The following PCDHGA12 variants were observed in gnomAD, a reference collection of about 807,000 sequenced individuals.
PCDHGA12 encodes the protein protocadherin gamma subfamily A, 12, also known as protocadherin gamma-A12.
In PCDHGA12, 43 loss-of-function variants were observed where a neutral mutation model predicts 61.1. The observed-to-expected ratio is 0.70, with a 90% CI of 0.55 to 0.91. PCDHGA12 has a LOEUF of 0.91. Ranked by LOEUF, PCDHGA12 falls within the 40% of genes least tolerant of loss-of-function variation. The probability of loss-of-function intolerance (pLI) is 0.00; values close to 1 mark genes in which losing one functional copy is unlikely to be tolerated. For synonymous variants in PCDHGA12, 520 were observed against 542.9 expected (o/e 0.96, Z 0.59); for missense variants, 1,236 against 1,227.7 (o/e 1.01, Z -0.10).
Position 141,432,502 on chromosome 5 carries a change from C to T in PCDHGA12, c.1743C>T (p.Ser581=). Residue 581 remains serine (S), a synonymous_variant, in exon 1 of 4, where the codon TCC becomes TCT. Transcript: ENST00000252085. This position sits in a 1 kb window ranked among gnomAD's most constrained non-coding sequence, Gnocchi z 6.0. The part of the protein sequence containing the change: ...GSTGVELAPR[S]AEPGYLVTKV... ...CTGGCGTGGAGCTGGCTCCCCGCTC[C>T]GCAGAGCCCGGCTACCTGGTGACCA... 6.2e-7 allele frequency: 1 copy of T among 1,614,142 alleles called. No individual in the cohort carries two copies. The highest frequency in any genetic ancestry group is 8.5e-7 in the Non-Finnish European group (1 of 1,180,042).
rs767337670 is a variant in PCDHGA12 at position 141,433,083 on chromosome 5, A to G, written c.2324A>G (p.Tyr775Cys). 8.1e-6 allele frequency: 13 copies of G among 1,614,174 alleles called. 1 individual carries two copies. Among genetic ancestry groups the G allele is most frequent in the Non-Finnish European group, 9.3e-6 (11 of 1,180,024 alleles). ...CACCTGATCTTCCCCCAGCCCAACT[A>G]TGCAGACATGCTCGTCAGCCAGGAG... ...KSHLIFPQPN[Y>C]ADMLVSQESF... The change falls in exon 1 of 4, where the codon TAT (tyrosine) becomes TGT (cysteine). Residue 775 changes from tyrosine to cysteine, a missense_variant. Coordinates refer to ENST00000252085, the MANE Select transcript of PCDHGA12 (RefSeq NM_003735.3).
intron 1 of PCDHGA12, among the ~76,000 whole-genome samples, chr5:141,484,160 T>C (rs1451052819): frequency 2.6e-5 from 4 of 152,210 alleles, no homozygotes; most frequent in African/African-American, 7.2e-5. Flanking sequence ...CACAATGCTG[T>C]TGGTAGCTGA....
At position 141,485,225 on chromosome 5, in the gene PCDHGA12, T is replaced by C; in HGVS notation, c.2425-9582T>C. The C allele has an allele frequency of 1.2e-6, 2 of 1,614,156 alleles. No homozygotes were observed. Among genetic ancestry groups the C allele is most frequent in the Non-Finnish European group, 1.7e-6 (2 of 1,180,010 alleles). On this transcript the variant is annotated intron_variant, in intron 1 of 3. Coordinates refer to ENST00000252085, the MANE Select transcript of PCDHGA12 (RefSeq NM_003735.3). The surrounding 1 kb of genome is among the most constrained non-coding windows in gnomAD (Gnocchi z 5.7). Reference sequence around the variant, plus strand: ...AGAAATCTGGCGGTGGGCTACCCTTTTGTTCCTCTTTTACCACCTGGGTTA... The same window carrying C: ...AGAAATCTGGCGGTGGGCTACCCTTCTGTTCCTCTTTTACCACCTGGGTTA...
At chr5:141,455,552 G>T (rs897699654) in intron 1 of PCDHGA12, among the ~76,000 whole-genome samples, 1 of 152,144 alleles carries the variant, frequency 6.6e-6, no homozygotes, top group African/African-American at 2.4e-5. Flanking sequence ...CGTAGCCCGA[G>T]AAAAAGCTGG....
Position 141,491,279 on chromosome 5 carries a change from T to G in PCDHGA12, c.2425-3528T>G. 1 of 1,614,110 alleles carries G rather than the reference T, an allele frequency of 6.2e-7. No individual in the cohort carries two copies. The highest frequency in any genetic ancestry group is 2.2e-5 in the East Asian group (1 of 44,878). ...GAGGAAATGCCCAAATCCAGTGACT[T>G]CCTCATACACCCTCCTGAGCGTTCA... On this transcript the variant is annotated intron_variant, in intron 1 of 3. Transcript: ENST00000252085. The surrounding 1 kb of genome is among the most constrained non-coding windows in gnomAD (Gnocchi z 6.9).
intron 1 of PCDHGA12, among the ~76,000 whole-genome samples, chr5:141,462,337 T>C (rs1053544147): frequency 6.6e-6 from 1 of 152,260 alleles, no homozygotes; most frequent in Non-Finnish European, 1.5e-5. Context: ...TTAATTGTAT[T>C]GTGATCCAAA....
intron 1 of PCDHGA12, among the ~76,000 whole-genome samples, chr5:141,434,860 A>G (rs2097723622): frequency 6.6e-6 from 1 of 151,982 alleles, no homozygotes; most frequent in African/African-American, 2.4e-5. Flanking sequence ...ATAAATTTAT[A>G]TATATGTGAC....
chr5:141,439,441 T>C (rs2098112892), intron 1 of PCDHGA12, among the ~76,000 whole-genome samples: 2 of 152,348 alleles, frequency 1.3e-5, no homozygotes, highest in South Asian at 4.1e-4. Context: ...GAATATTTTA[T>C]TGCGGGAGCA....
chr5:141,510,194 G>A (rs920127442), intron 3 of PCDHGA12, among the ~76,000 whole-genome samples: 1 of 151,462 alleles, frequency 6.6e-6, no homozygotes, highest in Non-Finnish European at 1.5e-5. Context: ...AATCACTTGA[G>A]CCCAGGAGGC....
rs747268184 is a variant in PCDHGA12, at chr5:141,489,769, C to A, written c.2425-5038C>A. On this transcript the variant is annotated intron_variant, in intron 1 of 3. Coordinates refer to ENST00000252085, the MANE Select transcript of PCDHGA12 (RefSeq NM_003735.3). This position sits in a 1 kb window ranked among gnomAD's most constrained non-coding sequence, Gnocchi z 4.5. ...CTTTTACACTCTAAGCCCCAACAGC[C>A]ACTTCTCTCTGAATGTGAAGACCCT... The A allele has an allele frequency of 6.2e-7, 1 of 1,614,156 alleles. No individual in the cohort carries two copies. The highest frequency in any genetic ancestry group is 1.1e-5 in the South Asian group (1 of 91,080).
intron 1 of PCDHGA12, among the ~76,000 whole-genome samples, chr5:141,483,611 A>G (rs2099583566): frequency 6.6e-6 from 1 of 151,952 alleles, no homozygotes; most frequent in South Asian, 2.1e-4. Context: ...TTACACCTCC[A>G]TCATTCCCAT....
chr5:141,499,261 GT>G (rs2099790689), intron 2 of PCDHGA12, among the ~76,000 whole-genome samples: 1 of 152,022 alleles, frequency 6.6e-6, no homozygotes, highest in South Asian at 2.1e-4. Context: ...TCTCCATTTG[GT>G]CCCTAGACTG....
chr5:141,486,337 C>T lies in PCDHGA12; in HGVS notation c.2425-8470C>T, dbSNP rs116799150. On this transcript the variant is annotated intron_variant, in intron 1 of 3. Coordinates refer to ENST00000252085, the MANE Select transcript of PCDHGA12 (RefSeq NM_003735.3). The surrounding 1 kb of genome is among the most constrained non-coding windows in gnomAD (Gnocchi z 5.0). ...GGTCAAACGGAGATGTGAGCCTCCG[C>T]ATTCCTGACCACTTGCCATTTGCCC... 1 of 1,614,076 alleles carries T rather than the reference C, an allele frequency of 6.2e-7. No homozygotes were observed. Among genetic ancestry groups the T allele is most frequent in the Non-Finnish European group, 8.5e-7 (1 of 1,179,966 alleles).
Position 141,485,616 on chromosome 5 carries a change from C to T in PCDHGA12, c.2425-9191C>T. On this transcript the variant is annotated intron_variant, in intron 1 of 3. Coordinates refer to ENST00000252085, the MANE Select transcript of PCDHGA12 (RefSeq NM_003735.3). This position sits in a 1 kb window ranked among gnomAD's most constrained non-coding sequence, Gnocchi z 5.7. ...TTGGAAATTGGGGAGGCAGCTCCTCCAGGACAGCGTTTCCCGTTGGAAAAG... is the reference window on the plus strand; with the variant it reads ...TTGGAAATTGGGGAGGCAGCTCCTCTAGGACAGCGTTTCCCGTTGGAAAAG... 1 of 1,612,210 alleles carries T rather than the reference C, an allele frequency of 6.2e-7. No individual in the cohort carries two copies.
In PCDHGA12 at chr5:141,476,575, C is replaced by A; in HGVS notation, c.2425-18232C>A. 6 of 1,614,232 alleles carry A rather than the reference C, an allele frequency of 3.7e-6. No homozygotes were observed. The highest frequency in any genetic ancestry group is 5.1e-6 in the Non-Finnish European group (6 of 1,180,042). The stretch of plus-strand genomic sequence containing the variant: ...GCGAGGCCGTGGCTCCGGGGACGCG[C>A]TTTCCGCTCGAGAGCGCGCACGATC... On this transcript the variant is annotated intron_variant, in intron 1 of 3. Transcript: ENST00000252085. This position sits in a 1 kb window ranked among gnomAD's most constrained non-coding sequence, Gnocchi z 7.6.
Position 141,489,880 on chromosome 5 carries a change from G to A in PCDHGA12, c.2425-4927G>A. On this transcript the variant is annotated intron_variant, in intron 1 of 3. Transcript: ENST00000252085. The surrounding 1 kb of genome is among the most constrained non-coding windows in gnomAD (Gnocchi z 4.5). Reference sequence around the variant, plus strand: ...GGCAAGACATCAGCTGGTGCTTACTGCTGTGGATGGGGGGACCCCAGCCCG... The same window carrying A: ...GGCAAGACATCAGCTGGTGCTTACTACTGTGGATGGGGGGACCCCAGCCCG... 2 of 1,614,230 alleles carry A rather than the reference G, an allele frequency of 1.2e-6. No individual in the cohort carries two copies. The highest frequency in any genetic ancestry group is 1.7e-6 in the Non-Finnish European group (2 of 1,180,026).
rs1283688342 is a variant in PCDHGA12, at chr5:141,437,688, T to G, written c.2424+4505T>G. On this transcript the variant is annotated intron_variant, in intron 1 of 3. Transcript: ENST00000252085. ...GAGATGTTGATCAAACTGATGAGGCTAAATCTCAAGAAAGAGACACAGTTA... is the reference window on the plus strand; with the variant it reads ...GAGATGTTGATCAAACTGATGAGGCGAAATCTCAAGAAAGAGACACAGTTA... Among the ~76,000 whole-genome samples the G allele has an allele frequency of 4.0e-5, 6 of 151,890 alleles. 1 individual carries two copies. The East Asian group carries it at 1.2e-3, about 29-fold the overall frequency.
chr5:141,502,173 T>C (rs1377892969), intron 2 of PCDHGA12, among the ~76,000 whole-genome samples: 2 of 152,178 alleles, frequency 1.3e-5, no homozygotes, highest in African/African-American at 4.8e-5. Flanking sequence ...AGTTGAGGAA[T>C]TTAACATTAA....
At chr5:141,467,596 C>G (rs2099147035) in intron 1 of PCDHGA12, among the ~76,000 whole-genome samples, 1 of 152,202 alleles carries the variant, frequency 6.6e-6, no homozygotes, top group South Asian at 2.1e-4. Context: ...ATTTATTAAG[C>G]ACTTCATCTT....
Sources: gnomAD v4.1 joint callset for allele counts (sites outside exome capture counted in the v4.1 genomes callset) on GRCh38, gnomAD v4.1.1 for gene constraint, Gnocchi (gnomAD v3.1) non-coding constraint, MANE v1.5 for transcripts, NCBI Gene and HGNC (gene_info 2026-07-23, HGNC 2026-07-21) for gene names.